The following FOXO3 variants were observed in gnomAD, a reference collection of about 807,000 sequenced individuals.
FOXO3 encodes the protein forkhead box O3, also known as forkhead box protein O3.
A neutral mutation model predicts 41.9 loss-of-function variants in FOXO3; 4 were observed. That is an observed-to-expected ratio of 0.10 (90% confidence interval 0.05 to 0.22). The LOEUF is 0.22. FOXO3 is among the 10% of genes least tolerant of loss of function. The pLI is 1.00. For synonymous variants in FOXO3, 318 were observed against 389.3 expected (o/e 0.82, Z 2.16); for missense variants, 534 against 906.8 (o/e 0.59, Z 5.28).
chr6:108,658,596 G>A (rs1233126373), intron 1 of FOXO3, among the ~76,000 whole-genome samples: 1 of 152,102 alleles, frequency 6.6e-6, no homozygotes, highest in Non-Finnish European at 1.5e-5. Flanking sequence ...CATCCAGGCT[G>A]GAGTGCAGTG....
At chr6:108,566,921 C>T (rs1386304850) in intron 1 of FOXO3, among the ~76,000 whole-genome samples, 1 of 152,116 alleles carries the variant, frequency 6.6e-6, no homozygotes, top group Admixed American at 6.5e-5. Flanking sequence ...CCCTTTTTAC[C>T]CATTTGCATC....
At chr6:108,605,654 G>A (rs1400905366) in intron 1 of FOXO3, among the ~76,000 whole-genome samples, 1 of 152,200 alleles carries the variant, frequency 6.6e-6, no homozygotes, top group Non-Finnish European at 1.5e-5. Context: ...ATGGTTCAGG[G>A]ATGATTAGAA....
At chr6:108,620,951 C>A (rs926982444) in intron 1 of FOXO3, among the ~76,000 whole-genome samples, 12 of 152,058 alleles carry the variant, frequency 7.9e-5, no homozygotes, top group Non-Finnish European at 1.8e-4. Flanking sequence ...ATGAATGATA[C>A]AACCAAAAAT....
chr6:108,580,525 A>T (rs950660486), intron 1 of FOXO3, among the ~76,000 whole-genome samples: 1 of 152,220 alleles, frequency 6.6e-6, no homozygotes, highest in African/African-American at 2.4e-5. Context: ...CTGAGGTACG[A>T]AACGGCTAAG....
intron 1 of FOXO3, among the ~76,000 whole-genome samples, chr6:108,655,844 GT>G (rs1426199672): frequency 6.6e-6 from 1 of 152,194 alleles, no homozygotes; most frequent in Non-Finnish European, 1.5e-5. Flanking sequence ...GTCATCTGTG[GT>G]TCAGCAGACG....
At chr6:108,649,271 G>A (rs943554327) in intron 1 of FOXO3, among the ~76,000 whole-genome samples, 3 of 152,120 alleles carry the variant, frequency 2.0e-5, no homozygotes, top group Non-Finnish European at 4.4e-5. Context: ...ATTTGTAATA[G>A]GCAGTAAGTA....
intron 1 of FOXO3, among the ~76,000 whole-genome samples, chr6:108,659,834 G>A (rs1037050904): frequency 3.9e-5 from 6 of 152,180 alleles, no homozygotes; most frequent in Non-Finnish European, 5.9e-5. Flanking sequence ...ATACGCATAC[G>A]TTGTTGGAGG....
chr6:108,676,065 A>G (rs1217042521), intron 2 of FOXO3, among the ~76,000 whole-genome samples: 1 of 152,244 alleles, frequency 6.6e-6, no homozygotes, highest in Non-Finnish European at 1.5e-5. Flanking sequence ...TGCTCTCACC[A>G]GAGACCAGAT....
chr6:108,620,905 C>T (rs963215756), intron 1 of FOXO3, among the ~76,000 whole-genome samples: 7 of 152,128 alleles, frequency 4.6e-5, no homozygotes, highest in African/African-American at 4.8e-5. Context: ...TAGCCTCCCA[C>T]GTTATCCAAA....
intron 2 of FOXO3, among the ~76,000 whole-genome samples, chr6:108,678,066 G>T (rs1228757826): frequency 6.6e-6 from 1 of 152,140 alleles, no homozygotes; most frequent in Non-Finnish European, 1.5e-5. Context: ...GCTTTAACAA[G>T]GATAAGTAAA....
Position 108,625,613 on chromosome 6 carries a change from G to A in FOXO3, c.622-37842G>A, listed in dbSNP as rs1273407240. Among the ~76,000 whole-genome samples, 4 of 152,306 alleles carry A rather than the reference G, an allele frequency of 2.6e-5. No individual in the cohort carries two copies. The East Asian group carries it at 7.7e-4, about 29-fold the overall frequency. ...AAGGAAATCCTTGCTCTGGGAAGCT[G>A]TGTTGAGAAGAGTTCTAAGCTCTGC... On this transcript the variant is annotated intron_variant, in intron 1 of 2. Coordinates refer to ENST00000406360, the MANE Select transcript of FOXO3 (RefSeq NM_001455.4).
intron 1 of FOXO3, among the ~76,000 whole-genome samples, chr6:108,592,216 G>A (rs1455118108): frequency 6.6e-6 from 1 of 152,172 alleles, no homozygotes; most frequent in African/African-American, 2.4e-5. Context: ...GCTTACACTG[G>A]TGTAAATATA....
At chr6:108,615,248 G>A (rs112949868) in intron 1 of FOXO3, among the ~76,000 whole-genome samples, 1 of 151,904 alleles carries the variant, frequency 6.6e-6, no homozygotes, top group Admixed American at 6.6e-5. Context: ...TTTTCTCTCT[G>A]CTTGATGAAA....
intron 2 of FOXO3, among the ~76,000 whole-genome samples, chr6:108,671,802 AT>A (rs1779223454): frequency 6.6e-6 from 1 of 152,196 alleles, no homozygotes; most frequent in Non-Finnish European, 1.5e-5. Flanking sequence ...GAGAACTTTT[AT>A]TTCCAGAGTC....
intron 1 of FOXO3, among the ~76,000 whole-genome samples, chr6:108,612,680 C>CA (rs1191517507): frequency 4.8e-4 from 69 of 143,304 alleles, no homozygotes; most frequent in Non-Finnish European, 6.9e-4. Context: ...AACTCTGTCT[C>CA]AAAAAAAAAA....
intron 2 of FOXO3, among the ~76,000 whole-genome samples, chr6:108,673,109 G>T (rs781544944): frequency 6.6e-6 from 1 of 152,232 alleles, no homozygotes; most frequent in Non-Finnish European, 1.5e-5. Flanking sequence ...ATCAGAAAGT[G>T]TCTTGACTGA....
rs368848722 is a variant in FOXO3 at position 108,676,143 on chromosome 6, T to C, written c.*35-3684T>C. 9.8e-5 allele frequency among the ~76,000 whole-genome samples: 15 copies of C among 152,320 alleles called. No individual in the cohort carries two copies. The South Asian group carries it at 1.7e-3, about 17-fold the overall frequency. On this transcript the variant is annotated intron_variant, in intron 2 of 2. Transcript: ENST00000406360. ...TTTGGTCTCCCCATTTCATTTTCTT[T>C]GTATCAGCAATTGATTTCAAACTTG...
In FOXO3 at chr6:108,561,458, G is replaced by C. The variant is rs1441154494; in HGVS notation, c.250G>C (p.Gly84Arg). The C allele has an allele frequency of 3.9e-6, 6 of 1,534,924 alleles. No homozygotes were observed. The highest frequency in any genetic ancestry group is 5.2e-6 in the Non-Finnish European group (6 of 1,143,678). The part of the protein sequence containing the change: ...GSAMAIGGGG[G>R]SGTLGSGLLL... ...GGCCATGGCGATCGGCGGCGGCGGC[G>C]GGAGCGGCACGCTGGGCTCCGGGCT... The change falls in exon 1 of 3, where the codon GGG becomes CGG. Residue 84 changes from glycine to arginine, a missense_variant. Around this residue, in one of 8 missense-constraint regions of FOXO3, gnomAD observed 139 missense variants for 163.7 expected, o/e 0.85. Transcript: ENST00000406360.
At chr6:108,610,261 A>G (rs1777322087) in intron 1 of FOXO3, among the ~76,000 whole-genome samples, 1 of 151,842 alleles carries the variant, frequency 6.6e-6, no homozygotes, top group Admixed American at 6.6e-5. Context: ...TGTTTTTGTA[A>G]TTTTAAAATA....
Sources: gnomAD v4.1 joint callset for allele counts (sites outside exome capture counted in the v4.1 genomes callset) on GRCh38, gnomAD v4.1.1 for gene constraint, gnomAD v4.1.1 regional missense constraint, MANE v1.5 for transcripts, NCBI Gene and HGNC (gene_info 2026-07-23, HGNC 2026-07-21) for gene names.